Variants in STT3A observed in about 807,000 individuals in gnomAD.
The protein encoded by STT3A is dolichyl-diphosphooligosaccharide--protein glycosyltransferase subunit STT3A.
A neutral mutation model predicts 89.2 loss-of-function variants in STT3A; 34 were observed. The observed-to-expected ratio is 0.38, with a 90% CI of 0.29 to 0.51. The LOEUF is 0.51. Ranked by LOEUF, STT3A falls within the 20% of genes least tolerant of loss-of-function variation. The pLI is 0.89. For missense variants in STT3A, 555 were observed against 889.5 expected, an observed-to-expected ratio of 0.62 and a Z score of 4.78; for synonymous variants, 282 against 310.3, an observed-to-expected ratio of 0.91 and a Z score of 0.96.
intron 11 of STT3A, among the ~76,000 whole-genome samples, 189 bp from the exon 12 acceptor site, chr11:125,612,403 C>A (rs944975837): frequency 1.3e-5 from 2 of 152,168 alleles, no homozygotes; most frequent in Non-Finnish European, 2.9e-5. Flanking sequence ...TATGTACATG[C>A]ATATAATTGA....
At chr11:125,615,536 C>G (rs1940154858) in intron 15 of STT3A, among the ~76,000 whole-genome samples, 1 of 150,754 alleles carries the variant, frequency 6.6e-6, no homozygotes, top group Non-Finnish European at 1.5e-5. Flanking sequence ...ATAAAAAATA[C>G]AGTATAACAA....
chr11:125,620,726 A>T (rs1364652722), intron 17 of STT3A, 46 bp from the exon 18 acceptor site: 2 of 1,598,584 alleles, frequency 1.3e-6, no homozygotes, highest in African/African-American at 2.7e-5. Flanking sequence ...AATTTCTCCA[A>T]AGTTGATCTG....
rs552754800 is a variant in STT3A, at chr11:125,602,076, C to T, written c.150-227C>T. 3.3e-5 allele frequency among the ~76,000 whole-genome samples: 5 copies of T among 152,290 alleles called. 1 individual carries two copies. The South Asian group carries it at 1.0e-3, about 32-fold the overall frequency. The stretch of plus-strand genomic sequence containing the variant: ...ACTCCTAAAGTGCTGAGATTATAGG[C>T]ATGAGCCACTGCACCCGGCTCATTT... On this transcript the variant is annotated intron_variant, in intron 3 of 17. Coordinates refer to ENST00000392708, the MANE Select transcript of STT3A (RefSeq NM_152713.5).
rs1940386369 is a variant in STT3A at position 125,622,813 on chromosome 11, C to G, written c.*2003C>G. 1 of 152,256 alleles carries G rather than the reference C, an allele frequency of 6.6e-6. No homozygotes were observed. The highest frequency in any genetic ancestry group is 1.5e-5 in the Non-Finnish European group (1 of 68,138). 9.4% of individuals were successfully genotyped at this position (152,256 alleles called of 1,614,324 possible). ...GGACCCTAGGCAGGGCGCAGTGGAT[C>G]ATGCCTGTAATCCCAGCACTTTGGG... is the stretch of plus-strand genomic sequence containing the variant. On this transcript the variant is annotated 3_prime_UTR_variant, in exon 18 of 18. Transcript: ENST00000392708.
intron 3 of STT3A, among the ~76,000 whole-genome samples, chr11:125,601,822 A>G (rs1270318870): frequency 1.3e-5 from 2 of 151,198 alleles, no homozygotes; most frequent in Non-Finnish European, 2.9e-5. Context: ...TTTTTCTGAG[A>G]TGGAGTCTTG....
At chr11:125,598,472 A>C (rs12284615) in intron 3 of STT3A, among the ~76,000 whole-genome samples, 16,120 of 152,266 alleles carry the variant, frequency 0.11, 1,241 homozygotes, top group African/African-American at 0.22. Flanking sequence ...AAATGCCTGC[A>C]TCTATTTGCA....
At chr11:125,604,114 A>G (rs772481457) in intron 5 of STT3A, 43 bp from the exon 6 acceptor site, 1 of 1,596,100 alleles carries the variant, frequency 6.3e-7, no homozygotes, top group Non-Finnish European at 8.6e-7. Context: ...CTTTCTCAGC[A>G]TTGTATTGGT....
intron 5 of STT3A, chr11:125,603,407 C>T (rs1939741598): frequency 6.4e-6 from 1 of 155,536 alleles, no homozygotes; most frequent in Non-Finnish European, 1.4e-5. Flanking sequence ...AATGCTGACT[C>T]TGTTTTTCCA....
Position 125,613,790 on chromosome 11 carries a change from G to T in STT3A, c.1555-297G>T. 1 of 283,280 alleles carries T rather than the reference G, an allele frequency of 3.5e-6. No individual in the cohort carries two copies. The highest frequency in any genetic ancestry group is 6.7e-6 in the Non-Finnish European group (1 of 150,004). 17.5% of individuals were successfully genotyped at this position (283,280 alleles called of 1,614,324 possible). A position where few individuals can be genotyped will look rare whatever the true frequency, so the allele number is the denominator to read the frequency against. On this transcript the variant is annotated intron_variant, in intron 13 of 17. Coordinates refer to ENST00000392708, the MANE Select transcript of STT3A (RefSeq NM_152713.5). The surrounding 1 kb of genome is among the most constrained non-coding windows in gnomAD (Gnocchi z 4.2). ...AATTGTCTAATGACACTAGGCTATT[G>T]ATGTGGCTACATTGCACAGTCTCCC... is the stretch of plus-strand genomic sequence containing the variant.
intron 6 of STT3A, among the ~76,000 whole-genome samples, chr11:125,605,254 C>T (rs1333702748): frequency 6.6e-6 from 1 of 151,818 alleles, no homozygotes; most frequent in Non-Finnish European, 1.5e-5. Context: ...GCAATTGGGG[C>T]ATGAGTATTA....
Position 125,594,609 on chromosome 11 carries a change from A to T in STT3A, c.-35-1272A>T, listed in dbSNP as rs571303558. On this transcript the variant is annotated intron_variant, in intron 1 of 17. Coordinates refer to ENST00000392708, the MANE Select transcript of STT3A (RefSeq NM_152713.5). ...AAAAAAAAAAAAAAAAAAAGATAGTAGTACTGTCTTATACAAGAATAACTA... is the reference window on the plus strand; with the variant it reads ...AAAAAAAAAAAAAAAAAAAGATAGTTGTACTGTCTTATACAAGAATAACTA... 5.4e-5 allele frequency among the ~76,000 whole-genome samples: 8 copies of T among 148,338 alleles called. No individual in the cohort carries two copies. In the East Asian group the frequency reaches 1.6e-3, roughly 29 times the overall value.
chr11:125,610,142 G>A (rs914639443), intron 10 of STT3A, among the ~76,000 whole-genome samples: 3 of 149,116 alleles, frequency 2.0e-5, no homozygotes, highest in Admixed American at 6.7e-5. Context: ...AGCTTACTGC[G>A]GCCTCTGCCT....
At chr11:125,602,726 G>A in intron 4 of STT3A, 77 bp from the exon 5 acceptor site, 1 of 1,573,244 alleles carries the variant, frequency 6.4e-7, no homozygotes, top group East Asian at 2.2e-5. Context: ...TCACTTTATT[G>A]TATCTGGGAT....
chr11:125,602,472 T>C (rs762925644), intron 4 of STT3A, 48 bp downstream of exon 4: 4 of 1,495,512 alleles, frequency 2.7e-6, no homozygotes, highest in Non-Finnish European at 3.6e-6. Context: ...AACAGAAATA[T>C]TTGTATGCTA....
In STT3A at chr11:125,613,955, G is replaced by A. The variant is rs535228696; in HGVS notation, c.1555-132G>A. The A allele has an allele frequency of 4.1e-6, 3 of 726,506 alleles. No individual in the cohort carries two copies. In the East Asian group the frequency reaches 7.5e-5, roughly 18 times the overall value. The allele number at this position is 726,506 out of a possible 1,614,324, so 45.0% of individuals were successfully genotyped here. On this transcript the variant is annotated intron_variant, in intron 13 of 17. Coordinates refer to ENST00000392708, the MANE Select transcript of STT3A (RefSeq NM_152713.5). This position sits in a 1 kb window ranked among gnomAD's most constrained non-coding sequence, Gnocchi z 4.2. The stretch of plus-strand genomic sequence containing the variant: ...CAGGATTTATTTTCTGGTTTGACAT[G>A]CATTACTTTGTGAAGAAATTGATTA...
chr11:125,618,235 T>A (rs1232490416), intron 15 of STT3A, 138 bp from the exon 16 acceptor site: 1 of 787,184 alleles, frequency 1.3e-6, no homozygotes, highest in Non-Finnish European at 2.0e-6. Context: ...TATGTTGTCC[T>A]CACTATTTTT....
intron 10 of STT3A, chr11:125,610,960 T>C (rs76167178): frequency 4.6e-5 from 7 of 152,664 alleles, no homozygotes; most frequent in Non-Finnish European, 1.0e-4. Flanking sequence ...ACTGTTAACA[T>C]TTTGATGTAT....
chr11:125,613,051 C>T lies in STT3A; in HGVS notation c.1428C>T (p.Thr476=). 3 of 1,614,138 alleles carry T rather than the reference C, an allele frequency of 1.9e-6. No individual in the cohort carries two copies. The highest frequency in any genetic ancestry group is 2.5e-6 in the Non-Finnish European group (3 of 1,180,026). The change falls in exon 13 of 18, where the codon ACC becomes ACT. Residue 476 remains threonine (T), a synonymous_variant. Transcript: ENST00000392708. This position sits in a 1 kb window ranked among gnomAD's most constrained non-coding sequence, Gnocchi z 4.2. ...TCATCACCTACACCTTTCATTCAACCTGGGTGACCAGTGAGGCCTACTCTT... is the reference window on the plus strand; with the variant it reads ...TCATCACCTACACCTTTCATTCAACTTGGGTGACCAGTGAGGCCTACTCTT... ...FFLITYTFHS[T]WVTSEAYSSP...
intron 4 of STT3A, 149 bp downstream of exon 4, chr11:125,602,573 A>T (rs1311575348): frequency 8.8e-7 from 1 of 1,132,556 alleles, no homozygotes; most frequent in African/African-American, 1.6e-5. Context: ...CATCTTACAT[A>T]AACAGGAGTA....
Sources: allele counts gnomAD v4.1 joint callset (sites outside exome capture counted in the v4.1 genomes callset), GRCh38; gene constraint gnomAD v4.1.1; non-coding constraint Gnocchi (gnomAD v3.1); transcripts MANE v1.5; gene names NCBI Gene and HGNC (gene_info 2026-07-23, HGNC 2026-07-21).